HSD17B12: variants seen among roughly 807,000 people sequenced by gnomAD.
HSD17B12 encodes very-long-chain 3-oxoacyl-CoA reductase.
Under a neutral mutation model 39.3 loss-of-function variants are expected in HSD17B12, and 32 were observed. That is an observed-to-expected ratio of 0.81 (90% confidence interval 0.61 to 1.09). HSD17B12 has a LOEUF of 1.09. Among genes scored for constraint, HSD17B12 ranks in the 50% least tolerant of loss-of-function variants. HSD17B12 has a pLI of 0.00. For missense variants in HSD17B12, 342 were observed against 382.9 expected, an observed-to-expected ratio of 0.89 and a Z score of 0.89; for synonymous variants, 150 against 146.7, an observed-to-expected ratio of 1.02 and a Z score of -0.16.
chr11:43,817,450 T>C lies in HSD17B12; in HGVS notation c.501+1059T>C, dbSNP rs570327134. 4.3e-4 allele frequency among the ~76,000 whole-genome samples: 65 copies of C among 152,274 alleles called. 1 individual carries two copies. Among genetic ancestry groups the C allele is most frequent in the Non-Finnish European group, 7.6e-4 (52 of 67,996 alleles). On this transcript the variant is annotated intron_variant, in intron 6 of 10. Coordinates refer to ENST00000278353, the MANE Select transcript of HSD17B12 (RefSeq NM_016142.3). ...CCAATGTTTAGAAGGGTTTTTCCAA[T>C]GATATCTTTTAGAATTTTTATAGTT...
At chr11:43,798,855 G>T (rs190306761) in intron 4 of HSD17B12, among the ~76,000 whole-genome samples, 1 of 152,196 alleles carries the variant, frequency 6.6e-6, no homozygotes, top group East Asian at 1.9e-4. Context: ...CTTCATTTGT[G>T]CAGATTTAAT....
the HSD17B12 span, among the ~76,000 whole-genome samples, chr11:43,640,424 G>A: frequency 1.3e-5 from 2 of 152,104 alleles, no homozygotes; most frequent in African/African-American, 4.8e-5. Context: ...CAGTATAATC[G>A]TTTTTAAAAA....
At chr11:43,585,123 T>A in the HSD17B12 span, among the ~76,000 whole-genome samples, 1 of 152,218 alleles carries the variant, frequency 6.6e-6, no homozygotes. Flanking sequence ...CGTTGTTATG[T>A]CTCCTTAACT....
At chr11:43,672,116 T>A in the HSD17B12 span, among the ~76,000 whole-genome samples, 1 of 152,176 alleles carries the variant, frequency 6.6e-6, no homozygotes, top group Admixed American at 6.5e-5. Context: ...TGGCATGATC[T>A]CGGCTCACTG....
intron 6 of HSD17B12, among the ~76,000 whole-genome samples, chr11:43,819,555 T>C (rs1403967596): frequency 3.3e-5 from 5 of 152,204 alleles, no homozygotes; most frequent in African/African-American, 7.2e-5. Flanking sequence ...TTAAATATAA[T>C]GATGAAATAA....
intron 1 of HSD17B12, among the ~76,000 whole-genome samples, chr11:43,733,465 G>A (rs1950287878): frequency 6.6e-6 from 1 of 152,202 alleles, no homozygotes; most frequent in Admixed American, 6.5e-5. Flanking sequence ...TTTGGCACAT[G>A]TTAGGCACTT....
At chr11:43,770,853 C>T (rs761809239) in intron 3 of HSD17B12, among the ~76,000 whole-genome samples, 23 of 152,224 alleles carry the variant, frequency 1.5e-4, no homozygotes, top group South Asian at 8.3e-4. Context: ...ATTTGTAAGA[C>T]GCATAGAACA....
chr11:43,790,098 A>G (rs778525030), intron 3 of HSD17B12, among the ~76,000 whole-genome samples: 2 of 152,250 alleles, frequency 1.3e-5, no homozygotes, highest in Non-Finnish European at 2.9e-5. Context: ...GCCATCAATT[A>G]TAAAACACCT....
the HSD17B12 span, among the ~76,000 whole-genome samples, chr11:43,604,987 G>A: frequency 6.6e-6 from 1 of 152,170 alleles, no homozygotes; most frequent in East Asian, 1.9e-4. Context: ...CTTTTTGCAA[G>A]AAGATATGAG....
intron 1 of HSD17B12, among the ~76,000 whole-genome samples, chr11:43,737,673 T>G (rs1175730315): frequency 3.3e-5 from 5 of 152,202 alleles, no homozygotes; most frequent in Non-Finnish European, 7.3e-5. Context: ...TATAGCTTTT[T>G]TCTGTGTATT....
At chr11:43,620,864 C>G in the HSD17B12 span, among the ~76,000 whole-genome samples, 1 of 152,136 alleles carries the variant, frequency 6.6e-6, no homozygotes, top group African/African-American at 2.4e-5. Context: ...AGAAGTTCAG[C>G]CTTAACTCCC....
chr11:43,704,378 C>T (rs1386886772), intron 1 of HSD17B12, among the ~76,000 whole-genome samples: 7 of 152,156 alleles, frequency 4.6e-5, no homozygotes, highest in Non-Finnish European at 8.8e-5. Context: ...TGACTAAATA[C>T]TGAACGAACC....
chr11:43,736,483 G>A (rs974461527), intron 1 of HSD17B12, among the ~76,000 whole-genome samples: 8 of 152,134 alleles, frequency 5.3e-5, no homozygotes, highest in African/African-American at 1.7e-4. Context: ...TGGGAAAAAG[G>A]GGACTCTGTA....
chr11:43,828,291 C>T (rs889345784), intron 6 of HSD17B12, among the ~76,000 whole-genome samples: 3 of 148,470 alleles, frequency 2.0e-5, no homozygotes, highest in Admixed American at 6.7e-5. Context: ...TACAGGCGCC[C>T]GCCACTACGC....
chr11:43,804,912 A>G (rs1411308685), intron 4 of HSD17B12, among the ~76,000 whole-genome samples: 4 of 152,188 alleles, frequency 2.6e-5, no homozygotes, highest in Non-Finnish European at 4.4e-5. Context: ...TTAGCTTCCA[A>G]ATGGCAAACT....
At chr11:43,845,738 C>T (rs911255235) in intron 9 of HSD17B12, among the ~76,000 whole-genome samples, 2 of 152,066 alleles carry the variant, frequency 1.3e-5, no homozygotes, top group African/African-American at 2.4e-5. Flanking sequence ...TGTTTCTGAT[C>T]CCCCACTCTA....
At chr11:43,613,401 A>C in the HSD17B12 span, among the ~76,000 whole-genome samples, 4 of 151,734 alleles carry the variant, frequency 2.6e-5, no homozygotes, top group Admixed American at 1.3e-4. Context: ...CAAAAAAAAA[A>C]ACAACAAAAC....
intron 1 of HSD17B12, among the ~76,000 whole-genome samples, chr11:43,702,208 C>T (rs916084635): frequency 1.3e-5 from 2 of 152,116 alleles, no homozygotes; most frequent in Non-Finnish European, 2.9e-5. Flanking sequence ...TCTATCAGTT[C>T]TAATATTAAT....
intron 1 of HSD17B12, among the ~76,000 whole-genome samples, chr11:43,749,133 T>C (rs1483366395): frequency 1.3e-5 from 2 of 152,158 alleles, no homozygotes; most frequent in African/African-American, 4.8e-5. Flanking sequence ...TCAATATCTA[T>C]ATCCAACCAC....
Sources: allele counts gnomAD v4.1 joint callset (sites outside exome capture counted in the v4.1 genomes callset), GRCh38; gene constraint gnomAD v4.1.1; transcripts MANE v1.5; gene names NCBI Gene and HGNC (gene_info 2026-07-23, HGNC 2026-07-21).